PPP2R2C: variants seen among roughly 807,000 people sequenced by gnomAD.
The protein encoded by PPP2R2C is protein phosphatase 2, regulatory subunit B, gamma.
In PPP2R2C, 10 loss-of-function variants were observed where a neutral mutation model predicts 45.3. That is an observed-to-expected ratio of 0.22 (90% CI 0.14 to 0.37). The LOEUF is 0.37. PPP2R2C is among the 10% of genes least tolerant of loss of function. PPP2R2C has a pLI of 1.00. For missense variants in PPP2R2C, 308 were observed against 619.7 expected, an observed-to-expected ratio of 0.50 and a Z score of 5.34; for synonymous variants, 257 against 245.4, an observed-to-expected ratio of 1.05 and a Z score of -0.44.
At chr4:6,385,203 G>A (rs114159841) in intron 1 of PPP2R2C, among the ~76,000 whole-genome samples, 2,011 of 152,206 alleles carry the variant, frequency 0.013, 55 homozygotes, top group African/African-American at 0.045. Flanking sequence ...TACCAGTCCC[G>A]CCAGTCGCTC....
intron 1 of PPP2R2C, among the ~76,000 whole-genome samples, chr4:6,551,310 C>T (rs574483331): frequency 1.3e-5 from 2 of 152,324 alleles, no homozygotes; most frequent in Admixed American, 1.3e-4. Context: ...CAGACCACAG[C>T]CTGCAGTGGG....
At chr4:6,356,960 C>A (rs1291933104) in intron 5 of PPP2R2C, among the ~76,000 whole-genome samples, 1 of 149,570 alleles carries the variant, frequency 6.7e-6, no homozygotes, top group Non-Finnish European at 1.5e-5. Flanking sequence ...TGCTGTGGCA[C>A]CTCGGGCCAG....
intron 5 of PPP2R2C, among the ~76,000 whole-genome samples, chr4:6,371,559 C>T (rs1235534205): frequency 6.6e-6 from 1 of 152,162 alleles, no homozygotes; most frequent in Non-Finnish European, 1.5e-5. Context: ...TGGGTGGCAT[C>T]CTCCACAAAG....
At chr4:6,428,067 C>G (rs950220967) in intron 1 of PPP2R2C, among the ~76,000 whole-genome samples, 3 of 152,238 alleles carry the variant, frequency 2.0e-5, no homozygotes, top group Non-Finnish European at 4.4e-5. Flanking sequence ...AGGAGGGTCA[C>G]TCAGCACTGT....
At chr4:6,407,867 G>T (rs1006724224) in intron 1 of PPP2R2C, among the ~76,000 whole-genome samples, 5 of 152,250 alleles carry the variant, frequency 3.3e-5, no homozygotes, top group African/African-American at 1.2e-4. Flanking sequence ...CACCAGCCAT[G>T]GGTGGCTAAT....
At position 6,372,607 on chromosome 4, in the gene PPP2R2C, C is replaced by T. The variant is rs373814468; in HGVS notation, c.541G>A (p.Val181Ile). 22 of 1,614,070 alleles carry T rather than the reference C, an allele frequency of 1.4e-5. No individual in the cohort carries two copies. Among genetic ancestry groups the T allele is most frequent in the East Asian group, 2.2e-5 (1 of 44,904 alleles). ...ATGTAGGTCTCGCAGTCACTGTTGA[C>T]GGAGATGGAGTTGATGTGGTAGGTG... ...GHTYHINSIS[V>I]NSDCETYMSA... The change falls in exon 5 of 9, where the codon GTC becomes ATC. Residue 181 changes from valine to isoleucine, a missense_variant. Coordinates refer to ENST00000382599, the MANE Select transcript of PPP2R2C (RefSeq NM_020416.4).
At chr4:6,382,048 G>C in intron 1 of PPP2R2C, 1 of 1,404,474 alleles carries the variant, frequency 7.1e-7, no homozygotes, top group Non-Finnish European at 9.2e-7. Context: ...CCTGAAGCCT[G>C]AGGCCTGCTC....
intron 1 of PPP2R2C, among the ~76,000 whole-genome samples, chr4:6,429,688 T>A (rs551172268): frequency 1.3e-5 from 2 of 152,340 alleles, no homozygotes; most frequent in African/African-American, 4.8e-5. Flanking sequence ...GCCAATTTTA[T>A]GACCGTCTCA....
At chr4:6,373,203 G>C (rs945585441) in intron 4 of PPP2R2C, among the ~76,000 whole-genome samples, 81 of 152,216 alleles carry the variant, frequency 5.3e-4, no homozygotes, top group Middle Eastern at 3.2e-3. Context: ...TGGAAGGTGA[G>C]GACCCAAGCC....
intron 2 of PPP2R2C, among the ~76,000 whole-genome samples, chr4:6,499,496 C>A (rs1252043220): frequency 6.6e-6 from 1 of 152,134 alleles, no homozygotes; most frequent in Non-Finnish European, 1.5e-5. Context: ...ACGCTTGGCA[C>A]CCTCATTGGA....
At chr4:6,549,286 T>C (rs969094222) in intron 1 of PPP2R2C, among the ~76,000 whole-genome samples, 12 of 143,672 alleles carry the variant, frequency 8.4e-5, no homozygotes, top group Middle Eastern at 3.5e-3. Context: ...CCCTTCCCAC[T>C]CTCTGCTTTG....
rs1211500209 is a variant in PPP2R2C at position 6,330,432 on chromosome 4, TA to T, written c.961-1080del. Among the ~76,000 whole-genome samples the T allele has an allele frequency of 6.6e-6, 1 of 152,178 alleles. No individual in the cohort carries two copies. Among genetic ancestry groups the T allele is most frequent in the Non-Finnish European group, 1.5e-5 (1 of 68,028 alleles). On this transcript the variant is annotated intron_variant, in intron 7 of 8. Transcript: ENST00000382599. This position sits in a 1 kb window ranked among gnomAD's most constrained non-coding sequence, Gnocchi z 7.0. The stretch of plus-strand genomic sequence containing the variant: ...TTGGTGTTTCTGTGAAGACATTTTG[TA>T]GGGGAGGTTAACATTTAAGCTGATA...
chr4:6,375,620 G>A (rs960310990), intron 4 of PPP2R2C, among the ~76,000 whole-genome samples, 199 bp downstream of exon 4: 1 of 152,212 alleles, frequency 6.6e-6, no homozygotes, highest in South Asian at 2.1e-4. Context: ...AAGAAGCCTA[G>A]AAGAAACGTG....
chr4:6,520,043 G>A (rs1374027201), intron 2 of PPP2R2C, among the ~76,000 whole-genome samples: 1 of 152,190 alleles, frequency 6.6e-6, no homozygotes, highest in Admixed American at 6.5e-5. Flanking sequence ...GGACGGGCTG[G>A]GTGTTATTCC....
At chr4:6,400,972 G>A (rs1212885143) in intron 1 of PPP2R2C, among the ~76,000 whole-genome samples, 1 of 152,228 alleles carries the variant, frequency 6.6e-6, no homozygotes, top group Admixed American at 6.5e-5. Context: ...CATATAGACA[G>A]TGTGTCCAAA....
At chr4:6,436,417 A>AT (rs1309065310) in intron 1 of PPP2R2C, among the ~76,000 whole-genome samples, 1 of 152,296 alleles carries the variant, frequency 6.6e-6, no homozygotes, top group East Asian at 1.9e-4. Flanking sequence ...TCCTGCACCC[A>AT]TTTTTGACCT....
At chr4:6,442,565 G>A (rs1288660554) in intron 1 of PPP2R2C, among the ~76,000 whole-genome samples, 2 of 152,218 alleles carry the variant, frequency 1.3e-5, no homozygotes, top group Non-Finnish European at 2.9e-5. Context: ...GAGGCGACAA[G>A]GTGACACCAG....
chr4:6,383,131 G>A, intron 1 of PPP2R2C: 7 of 1,159,488 alleles, frequency 6.0e-6, no homozygotes, highest in Non-Finnish European at 6.5e-6. Flanking sequence ...AGGGGCTTAG[G>A]TACTGGGGGT....
At position 6,331,541 on chromosome 4, in the gene PPP2R2C, G is replaced by A. The variant is rs1310851214; in HGVS notation, c.960+2021C>T. On this transcript the variant is annotated intron_variant, in intron 7 of 8. Transcript: ENST00000382599. This position sits in a 1 kb window ranked among gnomAD's most constrained non-coding sequence, Gnocchi z 5.9. ...CTGCCAGGGACCCATTCTAGACAAT[G>A]AGGTGTAAGAAGTCTTCTGAGAAGC... is the stretch of plus-strand genomic sequence containing the variant. Among the ~76,000 whole-genome samples, 6 of 152,212 alleles carry A rather than the reference G, an allele frequency of 3.9e-5. No homozygotes were observed. Among genetic ancestry groups the A allele is most frequent in the Non-Finnish European group, 8.8e-5 (6 of 68,040 alleles).
Sources: allele counts gnomAD v4.1 joint callset (sites outside exome capture counted in the v4.1 genomes callset), GRCh38; gene constraint gnomAD v4.1.1; non-coding constraint Gnocchi (gnomAD v3.1); transcripts MANE v1.5; gene names NCBI Gene and HGNC (gene_info 2026-07-23, HGNC 2026-07-21).